Variants in NAV2 observed in about 807,000 individuals in gnomAD.
NAV2 encodes neuron navigator 2.
Under a neutral mutation model 223.2 loss-of-function variants are expected in NAV2, and 54 were observed. The ratio of observed to expected loss-of-function variants is 0.24; its 90% confidence interval spans 0.19 to 0.30. The LOEUF (loss-of-function observed/expected upper bound fraction) is 0.30, where lower values mean the gene tolerates loss of function less well. Among genes scored for constraint, NAV2 ranks in the 10% least tolerant of loss-of-function variants. The pLI, the probability that NAV2 is intolerant of heterozygous loss-of-function variation, is 1.00. For synonymous variants in NAV2, 1,279 were observed against 1,239.3 expected (o/e 1.03, Z -0.67); for missense variants, 2,806 against 3,147.5 (o/e 0.89, Z 2.60).
In NAV2 at chr11:19,892,567, C is replaced by A. The variant is rs752865226; in HGVS notation, c.904C>A (p.Pro302Thr). Residue 302 changes from proline (P) to threonine (T), a missense_variant, in exon 6 of 38, where the codon CCC becomes ACC. This residue lies in a region of NAV2 where 1,167 missense variants were observed against 1,180.5 expected (regional missense o/e 0.99). Coordinates refer to ENST00000349880, the MANE Select transcript of NAV2 (RefSeq NM_145117.5). ...YDKSKPVTSP[P>T]PPPSSHEKEP... is the part of the protein sequence containing the mutation. ...TAAATCCAAACCAGTCACCTCCCCA[C>A]CCCCACCGCCAAGCAGCCACGAGAA... is the stretch of plus-strand genomic sequence containing the variant. 1.2e-6 allele frequency: 2 copies of A among 1,613,852 alleles called. No individual in the cohort carries two copies. The highest frequency in any genetic ancestry group is 1.7e-6 in the Non-Finnish European group (2 of 1,179,894).
At chr11:19,895,045 T>G (rs1178369480) in intron 6 of NAV2, among the ~76,000 whole-genome samples, 1 of 152,028 alleles carries the variant, frequency 6.6e-6, no homozygotes, top group African/African-American at 2.4e-5. Context: ...ACTTATTTAT[T>G]AAGTGCATAT....
intron 14 of NAV2, among the ~76,000 whole-genome samples, chr11:20,046,495 C>A (rs1451153618): frequency 2.0e-5 from 3 of 151,778 alleles, no homozygotes; most frequent in Non-Finnish European, 4.4e-5. Context: ...GTGATCTTGA[C>A]CAGCTCCTTC....
At chr11:19,599,486 C>T (rs1414697137) in intron 1 of NAV2, among the ~76,000 whole-genome samples, 3 of 152,184 alleles carry the variant, frequency 2.0e-5, no homozygotes, top group Non-Finnish European at 2.9e-5. Context: ...GACACAAAGG[C>T]GTTCTTTGAA....
intron 1 of NAV2, among the ~76,000 whole-genome samples, chr11:19,817,708 A>C (rs1349352162): frequency 6.6e-6 from 1 of 152,188 alleles, no homozygotes; most frequent in African/African-American, 2.4e-5. Context: ...GAGGTCCTGC[A>C]AAGGGAAAAC....
At chr11:19,445,284 T>C (rs1004863403) in intron 1 of NAV2, among the ~76,000 whole-genome samples, 8 of 152,164 alleles carry the variant, frequency 5.3e-5, no homozygotes, top group Admixed American at 2.0e-4. Flanking sequence ...GGTTTTTTTT[T>C]AGTCCTACTG....
intron 1 of NAV2, among the ~76,000 whole-genome samples, chr11:19,417,783 T>C (rs1197989587): frequency 6.6e-6 from 1 of 152,056 alleles, no homozygotes; most frequent in Non-Finnish European, 1.5e-5. Flanking sequence ...TGGAACACTA[T>C]GCAGCCATAA....
chr11:19,849,266 G>A (rs2060978241), intron 3 of NAV2, among the ~76,000 whole-genome samples: 1 of 152,182 alleles, frequency 6.6e-6, no homozygotes, highest in Admixed American at 6.5e-5. Context: ...TGACAGAGAA[G>A]GGGTATCATA....
intron 1 of NAV2, among the ~76,000 whole-genome samples, chr11:19,366,494 G>T (rs4268480): frequency 2.6e-5 from 4 of 152,162 alleles, no homozygotes; most frequent in Non-Finnish European, 5.9e-5. Context: ...CCTGGGTGAG[G>T]AAGCATGTGG....
rs79976666 is a variant in NAV2, at chr11:19,387,233, C to T, written c.75+36206C>T. 1.8e-3 allele frequency among the ~76,000 whole-genome samples: 271 copies of T among 152,250 alleles called. 4 individuals carry two copies. The East Asian group carries it at 0.031, about 18-fold the overall frequency. On this transcript the variant is annotated intron_variant, in intron 1 of 37. Transcript: ENST00000360655. ...GGTTTTAAGCCTCTGTGATCCCAAT[C>T]AGCTAGGTGCTCAGGGAGCATGGTG... is the stretch of plus-strand genomic sequence containing the variant.
At chr11:19,441,448 G>GCACACACACGCA (rs1554933584) in intron 1 of NAV2, among the ~76,000 whole-genome samples, 1 of 145,852 alleles carries the variant, frequency 6.9e-6, no homozygotes, top group Admixed American at 6.8e-5. Flanking sequence ...ACACACACAC[G>GCACACACACGCA]CACACACACA....
chr11:19,671,118 A>G (rs1181173003), intron 1 of NAV2, among the ~76,000 whole-genome samples: 1 of 152,266 alleles, frequency 6.6e-6, no homozygotes, highest in African/African-American at 2.4e-5. Flanking sequence ...AGCCTATCAT[A>G]AAAGAAGATG....
intron 1 of NAV2, among the ~76,000 whole-genome samples, chr11:19,380,281 A>G (rs1848792951): frequency 6.6e-6 from 1 of 152,242 alleles, no homozygotes; most frequent in Non-Finnish European, 1.5e-5. Context: ...GATTCTCTCC[A>G]TATTGAATTT....
At chr11:19,858,835 C>T (rs1417592225) in intron 3 of NAV2, among the ~76,000 whole-genome samples, 2 of 152,212 alleles carry the variant, frequency 1.3e-5, no homozygotes, top group Non-Finnish European at 2.9e-5. Context: ...TAACAAGTCT[C>T]AGAGTGTCTC....
chr11:19,824,243 C>A (rs7110688), intron 1 of NAV2, among the ~76,000 whole-genome samples: 33,246 of 152,164 alleles, frequency 0.22, 4,305 homozygotes, highest in East Asian at 0.33. Context: ...TATGACTCCC[C>A]AAGGGTCACC....
At chr11:19,521,902 C>T (rs760350164) in intron 1 of NAV2, among the ~76,000 whole-genome samples, 2 of 152,196 alleles carry the variant, frequency 1.3e-5, no homozygotes, top group African/African-American at 2.4e-5. Flanking sequence ...TAGCCAACTA[C>T]TCTCTCTCCC....
chr11:20,077,743 A>G, intron 23 of NAV2, 108 bp downstream of exon 23: 1 of 961,214 alleles, frequency 1.0e-6, no homozygotes, highest in Non-Finnish European at 1.6e-6. Context: ...GTATTTCTTG[A>G]ACTGTTAAAG....
At position 19,607,304 on chromosome 11, in the gene NAV2, G is replaced by A. The variant is rs539309011; in HGVS notation, c.76-225180G>A. On this transcript the variant is annotated intron_variant, in intron 1 of 37. Coordinates refer to the NAV2 transcript ENST00000360655. ...AAACGGGGAGCCCTCTTGGCCCAGA[G>A]GAAAGCCAGGATGATTGGTCTCTAG... Among the ~76,000 whole-genome samples the A allele has an allele frequency of 2.6e-5, 4 of 152,314 alleles. No homozygotes were observed. In the East Asian group the frequency reaches 7.7e-4, roughly 29 times the overall value.
intron 1 of NAV2, among the ~76,000 whole-genome samples, chr11:19,545,104 C>G (rs2044457142): frequency 6.6e-6 from 1 of 152,212 alleles, no homozygotes; most frequent in Admixed American, 6.5e-5. Flanking sequence ...GTCGTTCTGG[C>G]CTTGCAGTTC....
chr11:19,481,626 G>T (rs562968914), intron 1 of NAV2, among the ~76,000 whole-genome samples: 3 of 152,338 alleles, frequency 2.0e-5, no homozygotes, highest in South Asian at 2.1e-4. Flanking sequence ...TTGTTTGGAA[G>T]ATTAAATGAA....
Sources: gnomAD v4.1 joint callset for allele counts (sites outside exome capture counted in the v4.1 genomes callset) on GRCh38, gnomAD v4.1.1 for gene constraint, gnomAD v4.1.1 regional missense constraint, MANE v1.5 for transcripts, NCBI Gene and HGNC (gene_info 2026-07-23, HGNC 2026-07-21) for gene names.